NELL2: variants seen among roughly 807,000 people sequenced by gnomAD.
The protein encoded by NELL2 is neural EGFL like 2.
Under a neutral mutation model 109.6 loss-of-function variants are expected in NELL2, and 41 were observed. The observed-to-expected ratio is 0.37, with a 90% CI of 0.29 to 0.49. The LOEUF (loss-of-function observed/expected upper bound fraction) is 0.49, where lower values mean the gene tolerates loss of function less well. Among genes scored for constraint, NELL2 ranks in the 20% least tolerant of loss-of-function variants. The pLI, the probability that NELL2 is intolerant of heterozygous loss-of-function variation, is 0.98. For synonymous variants in NELL2, 355 were observed against 344.7 expected (o/e 1.03, Z -0.33); for missense variants, 900 against 1,008.3 (o/e 0.89, Z 1.45).
intron 2 of NELL2, among the ~76,000 whole-genome samples, chr12:44,871,410 A>G (rs1034703415): frequency 7.2e-5 from 11 of 152,192 alleles, no homozygotes; most frequent in Non-Finnish European, 1.5e-4. Flanking sequence ...TAGTTTCCCA[A>G]AAATAACTTA....
chr12:44,640,142 T>G (rs768495058), intron 13 of NELL2, among the ~76,000 whole-genome samples: 3 of 152,220 alleles, frequency 2.0e-5, no homozygotes, highest in Non-Finnish European at 4.4e-5. Flanking sequence ...AGCTGTTGAT[T>G]GCTTCACAAA....
At chr12:44,695,286 G>A (rs1357401325) in intron 12 of NELL2, among the ~76,000 whole-genome samples, 6 of 132,728 alleles carry the variant, frequency 4.5e-5, no homozygotes, top group African/African-American at 9.2e-5. Flanking sequence ...GCGAGACTCC[G>A]TCTCAAAAAA....
rs1184358114 is a variant in NELL2, at chr12:44,524,380, T to A, written c.1805-896A>T. On this transcript the variant is annotated intron_variant, in intron 16 of 19. Transcript: ENST00000429094. ...TTCAGAGACATGGTATGAGTGGCAA[T>A]AAGTAGTTATTTCCCATTTCATCAG... Among the ~76,000 whole-genome samples, 4 of 152,262 alleles carry A rather than the reference T, an allele frequency of 2.6e-5. No homozygotes were observed. The East Asian group carries it at 7.7e-4, about 29-fold the overall frequency.
chr12:44,838,218 A>C (rs1302845623), intron 2 of NELL2, among the ~76,000 whole-genome samples: 1 of 152,174 alleles, frequency 6.6e-6, no homozygotes, highest in Non-Finnish European at 1.5e-5. Context: ...AAGGTAATAA[A>C]CCCCAATGAG....
chr12:44,576,058 C>T (rs1406255513), intron 15 of NELL2, among the ~76,000 whole-genome samples: 2 of 152,086 alleles, frequency 1.3e-5, no homozygotes, highest in African/African-American at 4.8e-5. Flanking sequence ...CATGCTGTCC[C>T]CATCACAGGC....
intron 2 of NELL2, among the ~76,000 whole-genome samples, chr12:44,818,898 G>A (rs1414580301): frequency 8.0e-5 from 12 of 150,244 alleles, no homozygotes; most frequent in East Asian, 1.9e-4. Flanking sequence ...GCCCGCCACC[G>A]CGCCCAGCTA....
chr12:44,569,013 C>T (rs1183809377), intron 15 of NELL2, among the ~76,000 whole-genome samples: 1 of 151,966 alleles, frequency 6.6e-6, no homozygotes, highest in Non-Finnish European at 1.5e-5. Flanking sequence ...AGTTATTTTT[C>T]CTGACCTTCT....
chr12:44,706,236 T>G (rs1440799315), intron 11 of NELL2, among the ~76,000 whole-genome samples: 1 of 152,122 alleles, frequency 6.6e-6, no homozygotes, highest in Admixed American at 6.6e-5. Flanking sequence ...GAATTCCAAT[T>G]CTCTATAAAC....
In NELL2 at chr12:44,532,576, C is replaced by T; in HGVS notation, c.1804+5G>A. ...TTAAATTCTAGGTCTTCTCCTTGTA[C>T]TGACCTTCACACGATTCTCCACTTG... On this transcript the variant is annotated splice_donor_5th_base_variant and intron_variant, in intron 16 of 19. Coordinates refer to ENST00000429094, the MANE Select transcript of NELL2 (RefSeq NM_001145108.2). 6.2e-7 allele frequency: 1 copy of T among 1,612,730 alleles called. No homozygotes were observed. The highest frequency in any genetic ancestry group is 8.5e-7 in the Non-Finnish European group (1 of 1,179,282).
intron 1 of NELL2, among the ~76,000 whole-genome samples, chr12:44,909,298 A>C (rs1945753662): frequency 6.6e-6 from 1 of 151,960 alleles, no homozygotes. Context: ...GTTCAAGCTG[A>C]GAGCCAAATC....
intron 9 of NELL2, among the ~76,000 whole-genome samples, chr12:44,729,737 T>C (rs868831893): frequency 6.6e-6 from 1 of 151,208 alleles, no homozygotes; most frequent in Non-Finnish European, 1.5e-5. Flanking sequence ...ATTACAGGCA[T>C]GCGCCTGTAC....
At chr12:44,603,254 C>T (rs1478020603) in intron 15 of NELL2, among the ~76,000 whole-genome samples, 1 of 152,032 alleles carries the variant, frequency 6.6e-6, no homozygotes, top group East Asian at 1.9e-4. Context: ...TTCTTTGATA[C>T]TGCAGCAATT....
chr12:44,741,711 A>G (rs1426758878), intron 9 of NELL2, among the ~76,000 whole-genome samples: 1 of 152,200 alleles, frequency 6.6e-6, no homozygotes, highest in African/African-American at 2.4e-5. Flanking sequence ...CATTACTAGC[A>G]CAGCAGTCTG....
intron 13 of NELL2, among the ~76,000 whole-genome samples, chr12:44,657,272 A>G (rs1021925937): frequency 1.3e-5 from 2 of 152,226 alleles, no homozygotes; most frequent in Admixed American, 6.5e-5. Flanking sequence ...AACTTCTTTA[A>G]ATAAAAATAT....
rs531103247 is a variant in NELL2, at chr12:44,891,578, G to A, written c.39-15678C>T. Among the ~76,000 whole-genome samples, 21 of 152,244 alleles carry A rather than the reference G, an allele frequency of 1.4e-4. No homozygotes were observed. The South Asian group carries it at 1.5e-3, about 11-fold the overall frequency. On this transcript the variant is annotated intron_variant, in intron 1 of 20. Coordinates refer to the NELL2 transcript ENST00000333837. The stretch of plus-strand genomic sequence containing the variant: ...TCATTCTTAATTTTTAAAGTGATTA[G>A]ATGTTATTCTCTTTAAATTTTTTCT...
intron 3 of NELL2, among the ~76,000 whole-genome samples, chr12:44,790,335 C>G (rs1270307513): frequency 6.6e-6 from 1 of 152,078 alleles, no homozygotes; most frequent in Non-Finnish European, 1.5e-5. Context: ...CCTCCTCAAA[C>G]AAAACAATTA....
chr12:44,563,810 G>T (rs1363913480), intron 15 of NELL2, among the ~76,000 whole-genome samples: 2 of 152,162 alleles, frequency 1.3e-5, no homozygotes, highest in African/African-American at 4.8e-5. Flanking sequence ...TGACAGATAG[G>T]TTTGAAGAAA....
chr12:44,559,507 AAAAACATCAGG>A (rs1243987453), intron 15 of NELL2, among the ~76,000 whole-genome samples: 1 of 152,182 alleles, frequency 6.6e-6, no homozygotes, highest in Non-Finnish European at 1.5e-5. Flanking sequence ...ATGGAAAGCT[AAAAACATCAGG>A]GGTTGCAATC....
At chr12:44,719,718 T>C (rs1013996818) in intron 9 of NELL2, among the ~76,000 whole-genome samples, 3 of 152,152 alleles carry the variant, frequency 2.0e-5, no homozygotes, top group African/African-American at 7.2e-5. Context: ...TATATAGTAG[T>C]AGCTTTCCAA....
Sources: gnomAD v4.1 joint callset for allele counts (sites outside exome capture counted in the v4.1 genomes callset) on GRCh38, gnomAD v4.1.1 for gene constraint, MANE v1.5 for transcripts, NCBI Gene and HGNC (gene_info 2026-07-23, HGNC 2026-07-21) for gene names.